MAP7: variants seen among roughly 807,000 people sequenced by gnomAD.
The protein encoded by MAP7 is ensconsin.
Under a neutral mutation model 94.8 loss-of-function variants are expected in MAP7, and 52 were observed. The observed-to-expected ratio is 0.55, with a 90% confidence interval of 0.44 to 0.69. MAP7 has a LOEUF of 0.69. MAP7 is among the 30% of genes least tolerant of loss of function. The pLI is 0.00. For synonymous variants in MAP7, 350 were observed against 357.0 expected (o/e 0.98, Z 0.22); for missense variants, 940 against 964.6 (o/e 0.97, Z 0.34).
intron 3 of MAP7, among the ~76,000 whole-genome samples, chr6:136,411,197 A>G (rs1787332899): frequency 6.6e-6 from 1 of 152,222 alleles, no homozygotes; most frequent in African/African-American, 2.4e-5. Flanking sequence ...ACCTCAGCAC[A>G]TGCTTTTCCT....
rs1783668105 is a variant in MAP7, at chr6:136,400,192, A to G, written c.245-10675T>C. Among the ~76,000 whole-genome samples the G allele has an allele frequency of 2.0e-5, 3 of 152,178 alleles. No homozygotes were observed. The South Asian group carries it at 6.2e-4, about 32-fold the overall frequency. On this transcript the variant is annotated intron_variant, in intron 3 of 17. Transcript: ENST00000354570. Reference sequence around the variant, plus strand: ...AGCACTTTGGGAGGCTGAGGCGGGCAGATCACGAGGTCAGGAGATCGAGAC... The same window carrying G: ...AGCACTTTGGGAGGCTGAGGCGGGCGGATCACGAGGTCAGGAGATCGAGAC...
intron 1 of MAP7, among the ~76,000 whole-genome samples, chr6:136,469,623 C>A (rs776027450): frequency 3.3e-5 from 5 of 152,124 alleles, no homozygotes; most frequent in African/African-American, 4.8e-5. Context: ...CTGGCTCAAG[C>A]AACCCTCCCG....
intron 1 of MAP7, among the ~76,000 whole-genome samples, chr6:136,534,068 C>T (rs1441466722): frequency 1.3e-5 from 2 of 152,134 alleles, no homozygotes; most frequent in South Asian, 2.1e-4. Context: ...TTAAATAAAG[C>T]GATTTGTATG....
At chr6:136,459,421 TA>T (rs1387905404) in intron 1 of MAP7, among the ~76,000 whole-genome samples, 1 of 152,052 alleles carries the variant, frequency 6.6e-6, no homozygotes, top group East Asian at 1.9e-4. Flanking sequence ...TTATCTAAAA[TA>T]ACTGTAATCA....
chr6:136,498,584 G>T (rs2129005042), intron 1 of MAP7, among the ~76,000 whole-genome samples: 1 of 152,130 alleles, frequency 6.6e-6, no homozygotes, highest in South Asian at 2.1e-4. Flanking sequence ...CAGAGGAAAT[G>T]GATTGAGAAT....
Position 136,501,342 on chromosome 6 carries a change from G to T in MAP7, c.67+49000C>A, listed in dbSNP as rs193214426. Among the ~76,000 whole-genome samples, 107 of 152,306 alleles carry T rather than the reference G, an allele frequency of 7.0e-4. No homozygotes were observed. The South Asian group carries it at 8.5e-3, about 12-fold the overall frequency. On this transcript the variant is annotated intron_variant, in intron 1 of 17. Transcript: ENST00000354570. Reference sequence around the variant, plus strand: ...TATCACAGGGCCAGGAGGTGGCCTGGAGTCAGAGGGGCCTGAAAGCTGCTC... The same window carrying T: ...TATCACAGGGCCAGGAGGTGGCCTGTAGTCAGAGGGGCCTGAAAGCTGCTC...
chr6:136,484,431 T>G (rs1813961902), intron 1 of MAP7, among the ~76,000 whole-genome samples: 1 of 152,220 alleles, frequency 6.6e-6, no homozygotes, highest in Non-Finnish European at 1.5e-5. Flanking sequence ...CATTTCTCTC[T>G]GCCCATGGTC....
rs140022245 is a variant in MAP7, at chr6:136,544,007, C to G, written c.67+6335G>C. ...TACCATCTCGGCTCACTACACCCTCCGTCTCCCAGGTTCAAACAATTCTCC... is the reference window on the plus strand; with the variant it reads ...TACCATCTCGGCTCACTACACCCTCGGTCTCCCAGGTTCAAACAATTCTCC... On this transcript the variant is annotated intron_variant, in intron 1 of 17. Transcript: ENST00000354570. 7.4e-3 allele frequency among the ~76,000 whole-genome samples: 1,121 copies of G among 152,150 alleles called. 18 individuals carry two copies. The highest frequency in any genetic ancestry group is 0.025 in the African/African-American group (1,044 of 41,500).
At chr6:136,505,267 GTGTGTGTGTGTATATATATATATATA>G (rs1251672176) in intron 1 of MAP7, among the ~76,000 whole-genome samples, 124 of 104,858 alleles carry the variant, frequency 1.2e-3, no homozygotes, top group South Asian at 9.9e-3. Flanking sequence ...GTGTGTGTGT[GTGTGTGTGTGTATATATATATATATA>G]TATATATATA....
chr6:136,437,052 C>T (rs1010726269), intron 1 of MAP7, among the ~76,000 whole-genome samples: 17 of 152,332 alleles, frequency 1.1e-4, no homozygotes, highest in Admixed American at 2.6e-4. Context: ...TGGGCATCAT[C>T]GGCCACCTTC....
intron 1 of MAP7, among the ~76,000 whole-genome samples, chr6:136,540,100 C>T (rs1415889716): frequency 2.0e-5 from 3 of 152,010 alleles, no homozygotes; most frequent in Non-Finnish European, 4.4e-5. Flanking sequence ...CATTAAAAAC[C>T]GCAGAGGTTA....
chr6:136,411,565 G>A (rs541880799), intron 3 of MAP7, 55 bp downstream of exon 3: 10 of 1,428,890 alleles, frequency 7.0e-6, no homozygotes, highest in Admixed American at 6.6e-5. Flanking sequence ...AAAAGACCAC[G>A]GTATTATAGT....
chr6:136,529,837 C>T (rs550978249), intron 1 of MAP7, among the ~76,000 whole-genome samples: 6 of 152,292 alleles, frequency 3.9e-5, no homozygotes, highest in African/African-American at 1.4e-4. Flanking sequence ...AAATTTATGT[C>T]TCTTTGTCCT....
chr6:136,449,239 G>A (rs1356328731), intron 1 of MAP7, among the ~76,000 whole-genome samples: 2 of 152,152 alleles, frequency 1.3e-5, no homozygotes, highest in Admixed American at 6.5e-5. Context: ...AGCTCGCAGT[G>A]AGCAGAGATC....
At chr6:136,368,258 C>T (rs1255912632) in intron 8 of MAP7, among the ~76,000 whole-genome samples, 1 of 151,786 alleles carries the variant, frequency 6.6e-6, no homozygotes, top group Admixed American at 6.6e-5. Context: ...TATCCAACCA[C>T]CCATTTGGGT....
intron 16 of MAP7, among the ~76,000 whole-genome samples, chr6:136,350,331 G>A (rs1788813398): frequency 6.6e-6 from 1 of 152,182 alleles, no homozygotes; most frequent in Non-Finnish European, 1.5e-5. Flanking sequence ...ATCATGGAAT[G>A]CCTCACTAAA....
At chr6:136,517,600 C>T (rs940349377) in intron 1 of MAP7, among the ~76,000 whole-genome samples, 3 of 152,246 alleles carry the variant, frequency 2.0e-5, no homozygotes, top group Non-Finnish European at 4.4e-5. Flanking sequence ...CATTTCATTT[C>T]ACAGATGGGA....
intron 1 of MAP7, among the ~76,000 whole-genome samples, chr6:136,509,836 G>A (rs938115157): frequency 3.9e-5 from 6 of 152,162 alleles, no homozygotes; most frequent in East Asian, 1.9e-4. Flanking sequence ...GATTACAGGC[G>A]TGAGCTATGG....
At chr6:136,527,258 C>G (rs917004725) in intron 1 of MAP7, among the ~76,000 whole-genome samples, 17 of 152,142 alleles carry the variant, frequency 1.1e-4, no homozygotes, top group Admixed American at 3.9e-4. Context: ...CACTTCTAGA[C>G]TGCTTAAAAT....
Sources: allele counts gnomAD v4.1 joint callset (sites outside exome capture counted in the v4.1 genomes callset), GRCh38; gene constraint gnomAD v4.1.1; transcripts MANE v1.5; gene names NCBI Gene and HGNC (gene_info 2026-07-23, HGNC 2026-07-21).